Variants in SRBD1 observed in about 807,000 individuals in gnomAD.
SRBD1 encodes S1 RNA binding domain 1.
Under a neutral mutation model 115.3 loss-of-function variants are expected in SRBD1, and 88 were observed. That is an observed-to-expected ratio of 0.76 (90% confidence interval 0.64 to 0.91). The LOEUF is 0.91. SRBD1 is among the 40% of genes least tolerant of loss of function. The pLI is 0.00. For synonymous variants in SRBD1, 509 were observed against 407.7 expected (o/e 1.25, Z -2.99); for missense variants, 1,385 against 1,177.4 (o/e 1.18, Z -2.58).
At chr2:45,592,945 A>G (rs1382883573) in intron 4 of SRBD1, among the ~76,000 whole-genome samples, 1 of 152,222 alleles carries the variant, frequency 6.6e-6, no homozygotes, top group Non-Finnish European at 1.5e-5. Flanking sequence ...GAAACAACTA[A>G]AAGAGCTAAA....
At chr2:45,524,243 G>T (rs368311276) in intron 14 of SRBD1, among the ~76,000 whole-genome samples, 1 of 152,016 alleles carries the variant, frequency 6.6e-6, no homozygotes, top group African/African-American at 2.4e-5. Flanking sequence ...ACAGGAACAA[G>T]ATGAGAATGT....
intron 19 of SRBD1, among the ~76,000 whole-genome samples, chr2:45,398,430 C>T (rs1018711142): frequency 1.8e-4 from 27 of 151,986 alleles, no homozygotes; most frequent in African/African-American, 6.5e-4. Context: ...GTTTGTCTTC[C>T]AAAGGACTTG....
At chr2:45,509,518 C>T (rs1386817812) in intron 14 of SRBD1, among the ~76,000 whole-genome samples, 1 of 145,034 alleles carries the variant, frequency 6.9e-6, no homozygotes, top group Admixed American at 7.1e-5. Flanking sequence ...ATGGCGTGAA[C>T]CCAGGAGGCG....
chr2:45,403,569 T>C (rs1667347905), intron 19 of SRBD1, among the ~76,000 whole-genome samples: 1 of 152,190 alleles, frequency 6.6e-6, no homozygotes, highest in Non-Finnish European at 1.5e-5. Context: ...CAGCCAATAA[T>C]TATAAACTAA....
intron 19 of SRBD1, among the ~76,000 whole-genome samples, chr2:45,411,932 G>A (rs561538105): frequency 2.9e-4 from 44 of 152,164 alleles, no homozygotes; most frequent in East Asian, 7.7e-4. Flanking sequence ...ACAATACAGC[G>A]AAACTCTATC....
At chr2:45,467,904 C>A (rs534589779) in intron 16 of SRBD1, among the ~76,000 whole-genome samples, 87 of 152,222 alleles carry the variant, frequency 5.7e-4, no homozygotes, top group Admixed American at 2.9e-3. Flanking sequence ...GTTAAAGCAT[C>A]TGTAGCATTT....
rs532460529 is a variant in SRBD1, at chr2:45,544,173, C to G, written c.1874+2559G>C. On this transcript the variant is annotated intron_variant, in intron 14 of 20. Transcript: ENST00000263736. ...GCATGAACCTGGGAGGTGGAGCTTG[C>G]AATGAACCAAGATCGCGCCACTGCA... 1.6e-3 allele frequency among the ~76,000 whole-genome samples: 223 copies of G among 136,126 alleles called. 1 individual carries two copies. Among genetic ancestry groups the G allele is most frequent in the African/African-American group, 6.3e-3 (220 of 35,096 alleles). The allele number at this position is 136,126 out of a possible 152,430, so 89.3% of individuals were successfully genotyped here. A position where few individuals can be genotyped will look rare whatever the true frequency, so the allele number is the denominator to read the frequency against.
chr2:45,509,178 G>A (rs1040030772), intron 14 of SRBD1, among the ~76,000 whole-genome samples: 2 of 152,016 alleles, frequency 1.3e-5, no homozygotes, highest in Non-Finnish European at 2.9e-5. Flanking sequence ...CCTAATCTCC[G>A]AGGGATATAT....
At chr2:45,547,396 T>G in intron 13 of SRBD1, 126 bp downstream of exon 13, 3 of 780,534 alleles carry the variant, frequency 3.8e-6, no homozygotes, top group Non-Finnish European at 6.1e-6. Flanking sequence ...CCCAGAACTG[T>G]TTTATATGGT....
intron 16 of SRBD1, among the ~76,000 whole-genome samples, chr2:45,434,213 A>C (rs1003125439): frequency 1.3e-5 from 2 of 152,214 alleles, no homozygotes; most frequent in African/African-American, 4.8e-5. Flanking sequence ...GTTCTGCACA[A>C]GACAAATGTA....
intron 15 of SRBD1, among the ~76,000 whole-genome samples, chr2:45,485,217 G>C (rs1248312781): frequency 6.6e-6 from 1 of 152,016 alleles, no homozygotes; most frequent in African/African-American, 2.4e-5. Context: ...CAAAGTACTT[G>C]GCACCATTTC....
chr2:45,463,786 G>A (rs1024143108), intron 16 of SRBD1, among the ~76,000 whole-genome samples: 14 of 152,000 alleles, frequency 9.2e-5, no homozygotes, highest in African/African-American at 1.4e-4. Context: ...ACTATTTTTA[G>A]TCTACAAACT....
chr2:45,410,127 A>G (rs1228923730), intron 19 of SRBD1, among the ~76,000 whole-genome samples: 1 of 152,240 alleles, frequency 6.6e-6, no homozygotes, highest in Non-Finnish European at 1.5e-5. Flanking sequence ...AGAAGATATA[A>G]AAATGGCTAG....
At chr2:45,584,697 C>A (rs1383455906) in intron 5 of SRBD1, among the ~76,000 whole-genome samples, 1 of 152,152 alleles carries the variant, frequency 6.6e-6, no homozygotes, top group Non-Finnish European at 1.5e-5. Flanking sequence ...TTTTAATAAA[C>A]CCTATCGAAT....
intron 15 of SRBD1, among the ~76,000 whole-genome samples, chr2:45,481,183 T>C (rs1035482877): frequency 3.3e-5 from 5 of 152,186 alleles, no homozygotes; most frequent in African/African-American, 1.2e-4. Context: ...CACTATAGTA[T>C]AAACATAACT....
intron 14 of SRBD1, among the ~76,000 whole-genome samples, chr2:45,526,418 A>G (rs1486690897): frequency 6.6e-6 from 1 of 152,024 alleles, no homozygotes; most frequent in Non-Finnish European, 1.5e-5. Flanking sequence ...ATAGAGACAA[A>G]GTAGATTAGT....
chr2:45,604,630 G>A (rs1035141188), intron 2 of SRBD1, among the ~76,000 whole-genome samples: 2 of 152,048 alleles, frequency 1.3e-5, no homozygotes, highest in Non-Finnish European at 2.9e-5. Context: ...TGCACTTGCT[G>A]CTTTCTCTAT....
intron 14 of SRBD1, among the ~76,000 whole-genome samples, chr2:45,517,812 T>C (rs1276675392): frequency 2.0e-5 from 3 of 152,030 alleles, no homozygotes; most frequent in Non-Finnish European, 2.9e-5. Flanking sequence ...CTGGGCAACA[T>C]AGCAAGATCT....
chr2:45,575,385 G>T (rs2104158746), intron 7 of SRBD1, among the ~76,000 whole-genome samples: 1 of 152,234 alleles, frequency 6.6e-6, no homozygotes, highest in East Asian at 1.9e-4. Flanking sequence ...GTAAATCAAG[G>T]TCTTTCTGAT....
Sources: gnomAD v4.1 joint callset for allele counts (sites outside exome capture counted in the v4.1 genomes callset) on GRCh38, gnomAD v4.1.1 for gene constraint, MANE v1.5 for transcripts, NCBI Gene and HGNC (gene_info 2026-07-23, HGNC 2026-07-21) for gene names.